MEMO1: variants seen among roughly 807,000 people sequenced by gnomAD.
MEMO1 encodes the protein protein MEMO1.
Under a neutral mutation model 45.2 loss-of-function variants are expected in MEMO1, and 6 were observed. The ratio of observed to expected loss-of-function variants is 0.13; its 90% confidence interval spans 0.07 to 0.26. The LOEUF is 0.26. Ranked by LOEUF, MEMO1 falls within the 10% of genes least tolerant of loss-of-function variation. The pLI is 1.00. For synonymous variants in MEMO1, 78 were observed against 124.3 expected (o/e 0.63, Z 2.48); for missense variants, 184 against 370.5 (o/e 0.50, Z 4.13).
intron 3 of MEMO1, among the ~76,000 whole-genome samples, chr2:31,937,648 A>C (rs747188564): frequency 2.0e-5 from 3 of 152,204 alleles, no homozygotes; most frequent in Non-Finnish European, 4.4e-5. Flanking sequence ...CAAACAATAA[A>C]GGGTACACAA....
chr2:32,002,354 T>C (rs1475921492), intron 2 of MEMO1, among the ~76,000 whole-genome samples: 2 of 148,410 alleles, frequency 1.3e-5, no homozygotes, highest in Non-Finnish European at 3.0e-5. Flanking sequence ...TATACATACA[T>C]ATGTATGAGG....
chr2:31,891,346 A>G (rs753294746), intron 7 of MEMO1, among the ~76,000 whole-genome samples: 1 of 152,166 alleles, frequency 6.6e-6, no homozygotes, highest in African/African-American at 2.4e-5. Flanking sequence ...GTTTACTAAA[A>G]GAGGCATCCA....
intron 2 of MEMO1, among the ~76,000 whole-genome samples, chr2:31,945,773 G>A (rs934347863): frequency 6.6e-6 from 1 of 152,158 alleles, no homozygotes; most frequent in African/African-American, 2.4e-5. Context: ...ATTACATCCT[G>A]TCATAAAGAT....
intron 2 of MEMO1, among the ~76,000 whole-genome samples, chr2:31,969,599 GT>G (rs1558542126): frequency 8.3e-5 from 12 of 144,892 alleles, no homozygotes; most frequent in South Asian, 2.2e-4. Context: ...GTGTGTGTGT[GT>G]GTGTGTGTGT....
chr2:31,889,577 C>A (rs1484184503), intron 7 of MEMO1, among the ~76,000 whole-genome samples: 1 of 152,004 alleles, frequency 6.6e-6, no homozygotes, highest in Admixed American at 6.6e-5. Flanking sequence ...GATAGCTTAA[C>A]CCATAACTGG....
chr2:31,901,603 T>C (rs1418446307), intron 6 of MEMO1, among the ~76,000 whole-genome samples: 4 of 151,906 alleles, frequency 2.6e-5, no homozygotes, highest in South Asian at 4.1e-4. Context: ...GGTTTCTTTT[T>C]AGGGTGATGA....
At chr2:32,000,292 C>T (rs1227650397) in intron 2 of MEMO1, among the ~76,000 whole-genome samples, 1 of 151,176 alleles carries the variant, frequency 6.6e-6, no homozygotes, top group Non-Finnish European at 1.5e-5. Context: ...TGCAGTGGTG[C>T]GATCTCAGCT....
intron 6 of MEMO1, among the ~76,000 whole-genome samples, chr2:31,893,861 A>G (rs1466932584): frequency 6.6e-6 from 1 of 152,204 alleles, no homozygotes; most frequent in East Asian, 1.9e-4. Context: ...ATCTATCTGT[A>G]AGGAGGTATA....
At chr2:32,005,318 C>CA (rs1305881226) in intron 2 of MEMO1, among the ~76,000 whole-genome samples, 4,491 of 57,044 alleles carry the variant, frequency 0.079, 267 homozygotes, top group Non-Finnish European at 0.12. Context: ...ACTCTGTCAC[C>CA]AAAAAAAAAA....
chr2:31,926,863 TAAACA>T (rs761064758), intron 4 of MEMO1, among the ~76,000 whole-genome samples: 28 of 147,778 alleles, frequency 1.9e-4, no homozygotes, highest in South Asian at 6.4e-4. Flanking sequence ...AAAAGAAAAA[TAAACA>T]AAACAAAACA....
intron 6 of MEMO1, among the ~76,000 whole-genome samples, chr2:31,904,329 C>T (rs1232849396): frequency 6.6e-6 from 1 of 152,224 alleles, no homozygotes; most frequent in African/African-American, 2.4e-5. Context: ...AATGTGATTA[C>T]ATACAGTAAA....
In MEMO1 at chr2:31,998,876, A is replaced by C. The variant is rs373886697; in HGVS notation, c.61+11311T>G. Among the ~76,000 whole-genome samples, 15 of 152,198 alleles carry C rather than the reference A, an allele frequency of 9.9e-5. No homozygotes were observed. The East Asian group carries it at 2.7e-3, about 27-fold the overall frequency. ...AATCTCCAGTCTAGACCACTTCCCT[A>C]AACTCCAGACTCATACATACACTTG... On this transcript the variant is annotated intron_variant, in intron 2 of 9. Coordinates refer to ENST00000404530, the MANE Select transcript of MEMO1 (RefSeq NM_001301833.4).
intron 6 of MEMO1, among the ~76,000 whole-genome samples, chr2:31,913,420 T>C (rs1680921792): frequency 6.6e-6 from 1 of 151,606 alleles, no homozygotes; most frequent in South Asian, 2.1e-4. Flanking sequence ...GTCTCAGGTA[T>C]AGCCTATAAA....
intron 2 of MEMO1, among the ~76,000 whole-genome samples, chr2:31,947,422 T>A (rs1220916754): frequency 6.6e-6 from 1 of 152,190 alleles, no homozygotes; most frequent in Non-Finnish European, 1.5e-5. Flanking sequence ...AAAAGGTGAA[T>A]CTGAGTTCTT....
chr2:31,919,665 T>C lies in MEMO1; in HGVS notation c.325+1133A>G, dbSNP rs185151060. Among the ~76,000 whole-genome samples the C allele has an allele frequency of 1.2e-3, 175 of 151,828 alleles. No individual in the cohort carries two copies. The Middle Eastern group carries it at 0.02, about 18-fold the overall frequency. On this transcript the variant is annotated intron_variant, in intron 5 of 9. Coordinates refer to ENST00000404530, the MANE Select transcript of MEMO1 (RefSeq NM_001301833.4). ...AAGACCCTACCTCTACCAAAAAAAA[T>C]ATTTTTAATTAATTGGGTTTGGTGA...
intron 2 of MEMO1, among the ~76,000 whole-genome samples, chr2:31,967,594 A>G (rs1668786201): frequency 6.6e-6 from 1 of 152,016 alleles, no homozygotes; most frequent in Admixed American, 6.6e-5. Context: ...GACTGCAGGC[A>G]TGCACCATCA....
At chr2:31,949,873 A>G (rs968728107) in intron 2 of MEMO1, among the ~76,000 whole-genome samples, 2 of 151,218 alleles carry the variant, frequency 1.3e-5, no homozygotes, top group Non-Finnish European at 2.9e-5. Context: ...GTATCAAAAC[A>G]TCTCATGTAC....
At chr2:31,963,759 C>T (rs1558536944) in intron 2 of MEMO1, among the ~76,000 whole-genome samples, 1 of 152,032 alleles carries the variant, frequency 6.6e-6, no homozygotes, top group Non-Finnish European at 1.5e-5. Flanking sequence ...TATTTCCTGA[C>T]ATAAAAACAA....
chr2:31,879,317 C>T lies in MEMO1; in HGVS notation c.657+4069G>A, dbSNP rs182682963. On this transcript the variant is annotated intron_variant, in intron 8 of 9. Coordinates refer to ENST00000404530, the MANE Select transcript of MEMO1 (RefSeq NM_001301833.4). ...TGATATTGCTCATTCTCAGTTCTCT[C>T]TAAGCAGAACTCTACTGGCTCTGCT... is the stretch of plus-strand genomic sequence containing the variant. Among the ~76,000 whole-genome samples, 128 of 152,314 alleles carry T rather than the reference C, an allele frequency of 8.4e-4. 1 individual carries two copies. The highest frequency in any genetic ancestry group is 3.0e-3 in the African/African-American group (126 of 41,576).
Sources: allele counts gnomAD v4.1 joint callset (sites outside exome capture counted in the v4.1 genomes callset), GRCh38; gene constraint gnomAD v4.1.1; transcripts MANE v1.5; gene names NCBI Gene and HGNC (gene_info 2026-07-23, HGNC 2026-07-21).